The following IGF1 variants were observed in gnomAD, a reference collection of about 807,000 sequenced individuals.
IGF1 encodes the protein insulin like growth factor 1, also known as insulin-like growth factor 1.
Under a neutral mutation model 13.8 loss-of-function variants are expected in IGF1, and 4 were observed. The observed-to-expected ratio is 0.29, with a 90% CI of 0.14 to 0.66. The LOEUF (loss-of-function observed/expected upper bound fraction) is 0.66, where lower values mean the gene tolerates loss of function less well. Ranked by LOEUF, IGF1 falls within the 30% of genes least tolerant of loss-of-function variation. IGF1 has a pLI of 0.78. For synonymous variants in IGF1, 76 were observed against 72.6 expected (o/e 1.05, Z -0.23); for missense variants, 124 against 188.5 (o/e 0.66, Z 2.00).
At chr12:102,424,554 C>T (rs190120299) in intron 2 of IGF1, among the ~76,000 whole-genome samples, 15 of 152,090 alleles carry the variant, frequency 9.9e-5, no homozygotes, top group East Asian at 1.9e-4. Flanking sequence ...CTCCCTGGGC[C>T]GCCTTATTTA....
intron 3 of IGF1, among the ~76,000 whole-genome samples, chr12:102,409,207 T>C (rs1329319510): frequency 6.6e-6 from 1 of 152,190 alleles, no homozygotes; most frequent in Non-Finnish European, 1.5e-5. Context: ...GTCTACTGTT[T>C]AGAAAAACCT....
intron 3 of IGF1, among the ~76,000 whole-genome samples, chr12:102,416,394 C>G (rs1388395370): frequency 6.6e-6 from 1 of 152,182 alleles, no homozygotes; most frequent in African/African-American, 2.4e-5. Context: ...TTCTGTGATT[C>G]TATTTAACTT....
intron 3 of IGF1, among the ~76,000 whole-genome samples, chr12:102,412,888 A>T (rs986653145): frequency 6.6e-6 from 1 of 152,202 alleles, no homozygotes; most frequent in African/African-American, 2.4e-5. Flanking sequence ...TGAAAATGGG[A>T]TGGCACTAAA....
chr12:102,427,804 A>G (rs1373664105), intron 2 of IGF1, among the ~76,000 whole-genome samples: 1 of 152,186 alleles, frequency 6.6e-6, no homozygotes, highest in Non-Finnish European at 1.5e-5. Flanking sequence ...AGCCAGAGTC[A>G]GCGACAGATT....
Position 102,417,570 on chromosome 12 carries a change from TA to T in IGF1, c.402+1938del, listed in dbSNP as rs1875252651. 8 of 1,216,338 alleles carry T rather than the reference TA, an allele frequency of 6.6e-6. No homozygotes were observed. In the African/African-American group the frequency reaches 1.1e-4, roughly 17 times the overall value. 75.3% of individuals were successfully genotyped at this position (1,216,338 alleles called of 1,614,324 possible). On this transcript the variant is annotated intron_variant, in intron 3 of 3. Coordinates refer to ENST00000337514, the MANE Select transcript of IGF1 (RefSeq NM_000618.5). ...CTTTTTTTGCCTCTTTTATAATTTT[TA>T]TTTTTTTTTTTCATTTTTGCCACTG...
intron 3 of IGF1, among the ~76,000 whole-genome samples, chr12:102,414,977 T>C (rs1366185819): frequency 6.6e-6 from 1 of 152,222 alleles, no homozygotes; most frequent in African/African-American, 2.4e-5. Context: ...AGGGGAGTAA[T>C]AGGTGTATAA....
intron 3 of IGF1, among the ~76,000 whole-genome samples, chr12:102,411,845 A>G (rs941112829): frequency 1.3e-5 from 2 of 152,332 alleles, no homozygotes; most frequent in Non-Finnish European, 2.9e-5. Flanking sequence ...GAATAGAGGA[A>G]GTTAGAGGCT....
intron 2 of IGF1, among the ~76,000 whole-genome samples, chr12:102,472,506 C>A (rs1880750503): frequency 6.6e-6 from 1 of 152,022 alleles, no homozygotes; most frequent in Non-Finnish European, 1.5e-5. Flanking sequence ...GAATTTCAAA[C>A]TAAAATCAGA....
At chr12:102,460,098 G>C (rs1879778906) in intron 2 of IGF1, among the ~76,000 whole-genome samples, 1 of 152,206 alleles carries the variant, frequency 6.6e-6, no homozygotes, top group South Asian at 2.1e-4. Context: ...TGCAGGCTCA[G>C]CCATGCTGGA....
At chr12:102,415,564 T>TTCCTTCCTTCCGTCCTTCCTTCCTTCCG (rs1457497074) in intron 3 of IGF1, 1 of 140,884 alleles carries the variant, frequency 7.1e-6, no homozygotes, top group African/African-American at 2.7e-5. Context: ...CCTTCCTTCC[T>TTCCTTCCTTCCGTCCTTCCTTCCTTCCG]TCCTTCCTTC....
chr12:102,458,216 TG>T (rs1879581436), intron 2 of IGF1, among the ~76,000 whole-genome samples: 2 of 152,210 alleles, frequency 1.3e-5, no homozygotes, highest in African/African-American at 4.8e-5. Context: ...GAGTTCTTTC[TG>T]TTTCATTTTT....
At chr12:102,434,753 A>G (rs896506574) in intron 2 of IGF1, among the ~76,000 whole-genome samples, 2 of 151,848 alleles carry the variant, frequency 1.3e-5, no homozygotes, top group African/African-American at 2.4e-5. Flanking sequence ...ACTAGTTTAC[A>G]GTCCCACCAA....
intron 2 of IGF1, among the ~76,000 whole-genome samples, chr12:102,425,868 G>T (rs1051769750): frequency 5.9e-5 from 9 of 152,186 alleles, no homozygotes; most frequent in African/African-American, 1.9e-4. Context: ...TGATTCCAGG[G>T]CTTGGAGGAG....
intron 1 of IGF1, among the ~76,000 whole-genome samples, chr12:102,479,249 C>T (rs1801079851): frequency 6.6e-6 from 1 of 152,118 alleles, no homozygotes; most frequent in Admixed American, 6.5e-5. Context: ...TCTTTAACTC[C>T]TGGAGCCACT....
At chr12:102,417,833 G>T in intron 3 of IGF1, 1 of 1,610,772 alleles carries the variant, frequency 6.2e-7, no homozygotes, top group African/African-American at 1.3e-5. Flanking sequence ...TTCCTTTTTT[G>T]CCTCTGCATT....
chr12:102,466,768 T>A (rs992511210), intron 2 of IGF1, among the ~76,000 whole-genome samples: 1 of 152,064 alleles, frequency 6.6e-6, no homozygotes, highest in African/African-American at 2.4e-5. Flanking sequence ...CCAGCTGTGG[T>A]GGCATGCGCC....
chr12:102,444,510 G>A (rs556511832), intron 2 of IGF1, among the ~76,000 whole-genome samples: 4 of 152,002 alleles, frequency 2.6e-5, no homozygotes, highest in African/African-American at 4.8e-5. Context: ...ATGTATTTAC[G>A]CGTAAGTTCA....
At chr12:102,408,843 A>G (rs989466414) in intron 3 of IGF1, among the ~76,000 whole-genome samples, 23 of 150,644 alleles carry the variant, frequency 1.5e-4, no homozygotes, top group African/African-American at 5.6e-4. Flanking sequence ...CAACCAATCT[A>G]CTCTCTCTCT....
chr12:102,450,885 TC>T (rs1847090898), intron 2 of IGF1, among the ~76,000 whole-genome samples: 1 of 152,216 alleles, frequency 6.6e-6, no homozygotes, highest in South Asian at 2.1e-4. Context: ...GGATTTGGGA[TC>T]TAGGAATGCA....
Sources: allele counts gnomAD v4.1 joint callset (sites outside exome capture counted in the v4.1 genomes callset), GRCh38; gene constraint gnomAD v4.1.1; transcripts MANE v1.5; gene names NCBI Gene and HGNC (gene_info 2026-07-23, HGNC 2026-07-21).